Variants in GNAZ observed in about 807,000 individuals in gnomAD.
The protein encoded by GNAZ is G protein subunit alpha z.
A neutral mutation model predicts 25.4 loss-of-function variants in GNAZ; 3 were observed. The observed-to-expected ratio is 0.12, with a 90% CI of 0.05 to 0.30. GNAZ has a LOEUF of 0.30. Among genes scored for constraint, GNAZ ranks in the 10% least tolerant of loss-of-function variants. The probability of loss-of-function intolerance (pLI) is 1.00; values close to 1 mark genes in which losing one functional copy is unlikely to be tolerated. For synonymous variants in GNAZ, 211 were observed against 205.7 expected (o/e 1.03, Z -0.22); for missense variants, 241 against 501.8 (o/e 0.48, Z 4.97).
intron 1 of GNAZ, among the ~76,000 whole-genome samples, chr22:23,074,772 C>G (rs2068469141): frequency 6.6e-6 from 1 of 152,092 alleles, no homozygotes; most frequent in Non-Finnish European, 1.5e-5. Flanking sequence ...TGGAGAAGAG[C>G]GGGTCCCAGA....
At chr22:23,120,445 T>C (rs1407807026) in intron 2 of GNAZ, among the ~76,000 whole-genome samples, 1 of 152,184 alleles carries the variant, frequency 6.6e-6, no homozygotes, top group Non-Finnish European at 1.5e-5. Context: ...AGAGGACCAG[T>C]CTGGTTTAGA....
chr22:23,081,331 G>C (rs2068672130), intron 1 of GNAZ, among the ~76,000 whole-genome samples: 1 of 152,194 alleles, frequency 6.6e-6, no homozygotes, highest in Admixed American at 6.5e-5. Context: ...AAGAGTTTGT[G>C]TCTCTGAAAA....
intron 2 of GNAZ, among the ~76,000 whole-genome samples, chr22:23,102,898 C>T (rs986041071): frequency 2.6e-5 from 4 of 152,234 alleles, no homozygotes; most frequent in African/African-American, 9.6e-5. Context: ...GACAAGTGTT[C>T]CTGCCACAAC....
chr22:23,087,681 G>C (rs2068856131), intron 1 of GNAZ, among the ~76,000 whole-genome samples: 1 of 152,188 alleles, frequency 6.6e-6, no homozygotes. Context: ...AGTGAGCCAG[G>C]AGTGCTGATT....
rs1199757798 is a variant in GNAZ, at chr22:23,096,071, G to A, written c.376G>A (p.Gly126Ser). ...GGGCGAGATCACACCCGAGCTGCTGGGTGTCATGCGACGGCTCTGGGCCGA... is the reference window on the plus strand; with the variant it reads ...GGGCGAGATCACACCCGAGCTGCTGAGTGTCATGCGACGGCTCTGGGCCGA... ...SKGEITPELLGVMRRLWADPG... is the reference protein window; with the variant it reads ...SKGEITPELLSVMRRLWADPG... The change falls in exon 2 of 3, where the codon GGT becomes AGT. Residue 126 changes from glycine (G) to serine (S), a missense_variant. Physicochemically the swap from Gly to Ser is moderately conservative, Grantham distance 56 (BLOSUM62 0). Transcript: ENST00000615612. 1 of 1,608,488 alleles carries A rather than the reference G, an allele frequency of 6.2e-7. No individual in the cohort carries two copies. The highest frequency in any genetic ancestry group is 8.5e-7 in the Non-Finnish European group (1 of 1,179,954).
At chr22:23,119,299 TCC>T (rs1323773134) in intron 2 of GNAZ, among the ~76,000 whole-genome samples, 1 of 152,208 alleles carries the variant, frequency 6.6e-6, no homozygotes, top group Non-Finnish European at 1.5e-5. Context: ...GCAACACCTT[TCC>T]CCACTGCCTC....
intron 2 of GNAZ, among the ~76,000 whole-genome samples, chr22:23,101,946 C>G (rs1414345286): frequency 6.6e-6 from 1 of 152,226 alleles, no homozygotes; most frequent in African/African-American, 2.4e-5. Flanking sequence ...CCGCATCCCT[C>G]TCTAAGCTTG....
rs201031515 is a variant in GNAZ, at chr22:23,123,392, C to T, written c.1029C>T (p.Val343=). 23 of 1,613,870 alleles carry T rather than the reference C, an allele frequency of 1.4e-5. No individual in the cohort carries two copies. In the East Asian group the frequency reaches 4.9e-4, roughly 34 times the overall value. Residue 343 remains valine, a synonymous_variant, in exon 3 of 3, where the codon GTC becomes GTT. Coordinates refer to ENST00000615612, the MANE Select transcript of GNAZ (RefSeq NM_002073.4). ...IQFVFDAVTD[V]IIQNNLKYIG... ...TTGTCTTCGACGCGGTGACAGACGT[C>T]ATCATACAGAACAATCTCAAGTACA...
chr22:23,115,147 G>C (rs765675417), intron 2 of GNAZ, among the ~76,000 whole-genome samples: 2 of 152,196 alleles, frequency 1.3e-5, no homozygotes, highest in South Asian at 2.1e-4. Flanking sequence ...TGGAGAGTGA[G>C]TGGACAGGGA....
At chr22:23,108,105 T>C (rs888012853) in intron 2 of GNAZ, among the ~76,000 whole-genome samples, 3 of 152,180 alleles carry the variant, frequency 2.0e-5, no homozygotes, top group Non-Finnish European at 4.4e-5. Flanking sequence ...GGTGCATCTG[T>C]GCAGAAGGGT....
At position 23,071,276 on chromosome 22, in the gene GNAZ, G is replaced by C. The variant is rs1341874864; in HGVS notation, c.-450+706G>C. ...GCTCCGTATCCTGCGGGCGATCCGA[G>C]GGGGCTCTGCCTTTAGGGCGGTGCT... On this transcript the variant is annotated intron_variant, in intron 1 of 2. Coordinates refer to ENST00000615612, the MANE Select transcript of GNAZ (RefSeq NM_002073.4). This position sits in a 1 kb window ranked among gnomAD's most constrained non-coding sequence, Gnocchi z 4.1. Among the ~76,000 whole-genome samples the C allele has an allele frequency of 1.3e-5, 2 of 152,236 alleles. No individual in the cohort carries two copies. Among genetic ancestry groups the C allele is most frequent in the Non-Finnish European group, 2.9e-5 (2 of 68,038 alleles).
intron 1 of GNAZ, among the ~76,000 whole-genome samples, chr22:23,077,065 G>A (rs1323134575): frequency 6.6e-6 from 1 of 152,230 alleles, no homozygotes; most frequent in Non-Finnish European, 1.5e-5. Context: ...CTGTGCTGCA[G>A]CCCAGAGGGA....
chr22:23,123,551 C>A lies in GNAZ; in HGVS notation c.*120C>A, dbSNP rs970125477. 4.7e-6 allele frequency: 3 copies of A among 638,784 alleles called. No homozygotes were observed. In the African/African-American group the frequency reaches 5.5e-5, roughly 12 times the overall value. The allele number at this position is 638,784 out of a possible 1,614,324, so 39.6% of individuals were successfully genotyped here. ...AGGGGGCCTAAAGAATGTCCCCCAC[C>A]CCTTGGCCTCTGCCTCCTTGGCCCC... On this transcript the variant is annotated 3_prime_UTR_variant, in exon 3 of 3. Coordinates refer to ENST00000615612, the MANE Select transcript of GNAZ (RefSeq NM_002073.4).
intron 1 of GNAZ, among the ~76,000 whole-genome samples, chr22:23,076,226 C>G (rs2068504062): frequency 6.6e-6 from 1 of 152,220 alleles, no homozygotes; most frequent in African/African-American, 2.4e-5. Flanking sequence ...CCCCTTAGCA[C>G]TCGCCACAGC....
chr22:23,080,350 C>A (rs959135334), intron 1 of GNAZ, among the ~76,000 whole-genome samples: 1 of 152,118 alleles, frequency 6.6e-6, no homozygotes, highest in Non-Finnish European at 1.5e-5. Context: ...CAGGGAAGGG[C>A]CTCCCTGTTC....
In GNAZ at chr22:23,124,478, C is replaced by T; in HGVS notation, c.*1047C>T. 1 of 413,386 alleles carries T rather than the reference C, an allele frequency of 2.4e-6. No individual in the cohort carries two copies. The highest frequency in any genetic ancestry group is 5.1e-6 in the Non-Finnish European group (1 of 194,840). 25.6% of individuals were successfully genotyped at this position (413,386 alleles called of 1,614,324 possible). A position where few individuals can be genotyped will look rare whatever the true frequency, so the allele number is the denominator to read the frequency against. On this transcript the variant is annotated 3_prime_UTR_variant, in exon 3 of 3. Transcript: ENST00000615612. ...TGTACATAAGCCTCTGCAGTGTCCT[C>T]TTGTTAATGGTGGGGTTTTCTGCTT...
intron 1 of GNAZ, among the ~76,000 whole-genome samples, chr22:23,088,542 C>A (rs1386433550): frequency 6.6e-6 from 1 of 152,226 alleles, no homozygotes; most frequent in African/African-American, 2.4e-5. Context: ...CATAGCCCCG[C>A]TTGGGGCATG....
rs144385269 is a variant in GNAZ at position 23,123,380 on chromosome 22, G to A, written c.1017G>A (p.Ala339=). 2.8e-4 allele frequency: 457 copies of A among 1,613,714 alleles called. 1 individual carries two copies. The highest frequency in any genetic ancestry group is 3.7e-4 in the Non-Finnish European group (434 of 1,179,950). The stretch of plus-strand genomic sequence containing the variant: ...GTAACATCCAGTTTGTCTTCGACGC[G>A]GTGACAGACGTCATCATACAGAACA... ...DTSNIQFVFD[A]VTDVIIQNNL... Residue 339 remains alanine (A), a synonymous_variant, in exon 3 of 3, where the codon GCG becomes GCA. Transcript: ENST00000615612.
chr22:23,119,559 G>A (rs2069950585), intron 2 of GNAZ, among the ~76,000 whole-genome samples: 1 of 152,194 alleles, frequency 6.6e-6, no homozygotes, highest in African/African-American at 2.4e-5. Flanking sequence ...CCCATGCTGG[G>A]CCCTCTGACC....
Sources: gnomAD v4.1 joint callset for allele counts (sites outside exome capture counted in the v4.1 genomes callset) on GRCh38, gnomAD v4.1.1 for gene constraint, Gnocchi (gnomAD v3.1) non-coding constraint, MANE v1.5 for transcripts, NCBI Gene and HGNC (gene_info 2026-07-23, HGNC 2026-07-21) for gene names.